The following BCAS3 variants were observed in gnomAD, a reference collection of about 807,000 sequenced individuals.
BCAS3 encodes the protein BCAS4/BCAS3 fusion.
BCAS3 carries 53 observed loss-of-function variants against 116.1 expected under a neutral mutation model. The ratio of observed to expected loss-of-function variants is 0.46; its 90% CI spans 0.37 to 0.57. The LOEUF (loss-of-function observed/expected upper bound fraction) is 0.57. BCAS3 is among the 20% of genes least tolerant of loss of function. BCAS3 has a pLI of 0.00. For missense variants in BCAS3, 917 were observed against 1,165.4 expected (o/e 0.79, Z 3.10); for synonymous variants, 391 against 408.2 (o/e 0.96, Z 0.51).
intron 16 of BCAS3, among the ~76,000 whole-genome samples, chr17:61,025,136 G>A (rs1395086409): frequency 6.6e-6 from 1 of 151,990 alleles, no homozygotes; most frequent in African/African-American, 2.4e-5. Context: ...ATTTCAGAAC[G>A]GGCTCACTAT....
rs1407919088 is a variant in BCAS3, at chr17:60,960,633, C to T, written c.1221+13281C>T. Among the ~76,000 whole-genome samples, 2 of 152,098 alleles carry T rather than the reference C, an allele frequency of 1.3e-5. No homozygotes were observed. Among genetic ancestry groups the T allele is most frequent in the African/African-American group, 4.8e-5 (2 of 41,412 alleles). ...CCCATTCCTGCCTTTGTACACACAG[C>T]TTAGGCCTTTAAGTGCACATCTCTG... On this transcript the variant is annotated intron_variant, in intron 14 of 23. Transcript: ENST00000407086. This position sits in a 1 kb window ranked among gnomAD's most constrained non-coding sequence, Gnocchi z 4.1.
intron 22 of BCAS3, among the ~76,000 whole-genome samples, chr17:61,322,806 G>GAGAGAGAGAGAGAGAGAC (rs2055352503): frequency 1.5e-4 from 20 of 130,922 alleles, no homozygotes; most frequent in Middle Eastern, 4.3e-3. Context: ...GAGAGAGAGA[G>GAGAGAGAGAGAGAGAGAC]AGAGAGAGAG....
intron 7 of BCAS3, among the ~76,000 whole-genome samples, chr17:60,818,660 A>G (rs999504417): frequency 6.6e-6 from 1 of 152,120 alleles, no homozygotes; most frequent in Non-Finnish European, 1.5e-5. Flanking sequence ...GCTTGTAGAC[A>G]TGGACTCTTC....
intron 11 of BCAS3, among the ~76,000 whole-genome samples, chr17:60,906,878 A>G (rs547493612): frequency 6.6e-6 from 1 of 152,308 alleles, no homozygotes; most frequent in East Asian, 1.9e-4. Context: ...AAAATACTTA[A>G]GTAATTTTAC....
At chr17:61,212,029 A>G (rs1212993302) in intron 22 of BCAS3, among the ~76,000 whole-genome samples, 1 of 152,246 alleles carries the variant, frequency 6.6e-6, no homozygotes, top group African/African-American at 2.4e-5. Flanking sequence ...CTGTAAGGCT[A>G]TGAGGAGAAA....
chr17:61,338,868 CTATCTGGTGCCCT>C lies in BCAS3; in HGVS notation c.2426-29456_2426-29444del, dbSNP rs2056920525. 2.2e-5 allele frequency among the ~76,000 whole-genome samples: 3 copies of C among 137,782 alleles called. No individual in the cohort carries two copies. The Admixed American group carries it at 2.4e-4, about 11-fold the overall frequency. 90.4% of individuals were successfully genotyped at this position (137,782 alleles called of 152,430 possible). A position where few individuals can be genotyped will look rare whatever the true frequency, so the allele number is the denominator to read the frequency against. On this transcript the variant is annotated intron_variant, in intron 22 of 23. Transcript: ENST00000407086. ...TCTTATCAGTCCTCAAATGGGAAGC[CTATCTGGTGCCCT>C]TACTGGGAAAAAAAAAAAAAAAAAA...
intron 22 of BCAS3, among the ~76,000 whole-genome samples, chr17:61,329,724 A>G (rs2056094255): frequency 6.6e-6 from 1 of 152,148 alleles, no homozygotes; most frequent in African/African-American, 2.4e-5. Context: ...GTGACTGACT[A>G]TGGAATAGCT....
chr17:60,820,132 A>G (rs992104159), intron 7 of BCAS3, among the ~76,000 whole-genome samples: 1 of 150,206 alleles, frequency 6.7e-6, no homozygotes, highest in Non-Finnish European at 1.5e-5. Flanking sequence ...GTGCAGTCGC[A>G]CGATCTTGGC....
rs2038573777 is a variant in BCAS3 at position 60,716,085 on chromosome 17, G to A, written c.321+6760G>A. ...ACCATGTTGGTCAAGCTGGTCTCGA[G>A]CTCCTGACCTTGTGCTGTGCCCGCC... On this transcript the variant is annotated intron_variant, in intron 5 of 23. Coordinates refer to ENST00000407086, the MANE Select transcript of BCAS3 (RefSeq NM_017679.5). Among the ~76,000 whole-genome samples the A allele has an allele frequency of 2.0e-5, 3 of 151,150 alleles. No homozygotes were observed. The East Asian group carries it at 6.0e-4, about 30-fold the overall frequency.
intron 5 of BCAS3, chr17:60,709,639 T>G: frequency 3.5e-6 from 1 of 283,498 alleles, no homozygotes; most frequent in East Asian, 1.3e-4. Flanking sequence ...TCCATCTGCC[T>G]CAGCCTCCCA....
In BCAS3 at chr17:61,088,011, G is replaced by A. The variant is rs1213298150; in HGVS notation, c.2425+3447G>A. 3.9e-5 allele frequency among the ~76,000 whole-genome samples: 6 copies of A among 151,976 alleles called. No homozygotes were observed. The highest frequency in any genetic ancestry group is 1.9e-4 in the East Asian group (1 of 5,184). ...AGCCTGGCTAACATGGCAAAACCCC[G>A]TCCCTAATAAAAATACAAAAATTAG... is the stretch of plus-strand genomic sequence containing the variant. On this transcript the variant is annotated intron_variant, in intron 22 of 23. Coordinates refer to ENST00000407086, the MANE Select transcript of BCAS3 (RefSeq NM_017679.5). The surrounding 1 kb of genome is among the most constrained non-coding windows in gnomAD (Gnocchi z 4.2).
chr17:60,998,077 A>G (rs2063963935), intron 15 of BCAS3, among the ~76,000 whole-genome samples: 1 of 152,176 alleles, frequency 6.6e-6, no homozygotes, highest in Non-Finnish European at 1.5e-5. Flanking sequence ...GCTCCCACTT[A>G]TAAGTGAAAA....
chr17:61,022,459 T>C (rs1209937027), intron 16 of BCAS3, among the ~76,000 whole-genome samples: 1 of 152,112 alleles, frequency 6.6e-6, no homozygotes, highest in Non-Finnish European at 1.5e-5. Flanking sequence ...TTAGCCAGGA[T>C]GGTCTCATTC....
chr17:61,224,008 G>T lies in BCAS3; in HGVS notation c.2425+139444G>T, dbSNP rs576306322. ...TTTGGATAGAAGGAGGTGGGTCAGAGTGAAGTTGTTAATCTTCAATTTTTT... is the reference window on the plus strand; with the variant it reads ...TTTGGATAGAAGGAGGTGGGTCAGATTGAAGTTGTTAATCTTCAATTTTTT... On this transcript the variant is annotated intron_variant, in intron 22 of 23. Coordinates refer to ENST00000407086, the MANE Select transcript of BCAS3 (RefSeq NM_017679.5). This position sits in a 1 kb window ranked among gnomAD's most constrained non-coding sequence, Gnocchi z 5.7. Among the ~76,000 whole-genome samples, 5 of 152,360 alleles carry T rather than the reference G, an allele frequency of 3.3e-5. No homozygotes were observed. In the East Asian group the frequency reaches 9.6e-4, roughly 29 times the overall value.
At chr17:60,768,782 C>T (rs780147799) in intron 6 of BCAS3, among the ~76,000 whole-genome samples, 1 of 152,252 alleles carries the variant, frequency 6.6e-6, no homozygotes, top group South Asian at 2.1e-4. Context: ...TCTTTCTGCT[C>T]CAGGATGGCT....
intron 22 of BCAS3, among the ~76,000 whole-genome samples, chr17:61,157,063 C>G (rs192834790): frequency 2.6e-5 from 4 of 152,242 alleles, no homozygotes; most frequent in Admixed American, 2.6e-4. Context: ...CTCTGGACTC[C>G]TTGTCTGAGG....
intron 12 of BCAS3, among the ~76,000 whole-genome samples, chr17:60,921,436 A>AC: frequency 6.6e-6 from 1 of 151,922 alleles, no homozygotes; most frequent in South Asian, 2.1e-4. Flanking sequence ...AAACGGTGAA[A>AC]CCCCGTCTCT....
chr17:61,144,140 C>T lies in BCAS3; in HGVS notation c.2425+59576C>T, dbSNP rs1242952222. Among the ~76,000 whole-genome samples, 1 of 151,882 alleles carries T rather than the reference C, an allele frequency of 6.6e-6. No individual in the cohort carries two copies. The highest frequency in any genetic ancestry group is 1.5e-5 in the Non-Finnish European group (1 of 67,986). On this transcript the variant is annotated intron_variant, in intron 22 of 23. Transcript: ENST00000407086. The surrounding 1 kb of genome is among the most constrained non-coding windows in gnomAD (Gnocchi z 5.0). ...TTCTACTCTTTTTTTTGCCGTTGTC[C>T]CTATTTTTTGCCACTGGTAAACTCC...
rs1450252341 is a variant in BCAS3, at chr17:61,141,920, AGT to A, written c.2425+57357_2425+57358del. ...ACCTCAAGAAAAAAAAAAAAAAAAA[AGT>A]TAGACAATTATACAGAGATACTCAA... is the stretch of plus-strand genomic sequence containing the variant. On this transcript the variant is annotated intron_variant, in intron 22 of 23. Transcript: ENST00000407086. The surrounding 1 kb of genome is among the most constrained non-coding windows in gnomAD (Gnocchi z 4.3). Among the ~76,000 whole-genome samples, 40 of 16,266 alleles carry A rather than the reference AGT, an allele frequency of 2.5e-3. 8 individuals are homozygous for A. Among genetic ancestry groups the A allele is most frequent in the East Asian group, 7.6e-3 (1 of 132 alleles). 10.7% of individuals were successfully genotyped at this position (16,266 alleles called of 152,430 possible). A position where few individuals can be genotyped will look rare whatever the true frequency, so the allele number is the denominator to read the frequency against.
Sources: allele counts gnomAD v4.1 joint callset (sites outside exome capture counted in the v4.1 genomes callset), GRCh38; gene constraint gnomAD v4.1.1; non-coding constraint Gnocchi (gnomAD v3.1); transcripts MANE v1.5; gene names NCBI Gene and HGNC (gene_info 2026-07-23, HGNC 2026-07-21).